The following NRXN3 variants were observed in gnomAD, a reference collection of about 807,000 sequenced individuals.
NRXN3 encodes the protein neurexin III.
In NRXN3, 32 loss-of-function variants were observed where a neutral mutation model predicts 137.6. The ratio of observed to expected loss-of-function variants is 0.23; its 90% CI spans 0.18 to 0.31. The LOEUF is 0.31. NRXN3 is among the 10% of genes least tolerant of loss of function. The pLI is 1.00. For missense variants in NRXN3, 1,574 were observed against 2,062.5 expected (o/e 0.76, Z 4.59); for synonymous variants, 798 against 784.5 (o/e 1.02, Z -0.29).
At chr14:78,559,080 A>C (rs932696089) in intron 4 of NRXN3, among the ~76,000 whole-genome samples, 11 of 152,196 alleles carry the variant, frequency 7.2e-5, no homozygotes, top group Admixed American at 2.6e-4. Flanking sequence ...TTTGTAACAC[A>C]CTGTCATCAG....
intron 6 of NRXN3, among the ~76,000 whole-genome samples, chr14:78,682,312 G>A (rs1303749692): frequency 2.0e-5 from 3 of 151,978 alleles, no homozygotes; most frequent in South Asian, 2.1e-4. Flanking sequence ...GATTAAGACT[G>A]TCAGCATCAC....
intron 16 of NRXN3, among the ~76,000 whole-genome samples, chr14:79,480,293 A>G (rs1176585350): frequency 6.6e-6 from 1 of 152,168 alleles, no homozygotes; most frequent in Non-Finnish European, 1.5e-5. Flanking sequence ...CATGTTTGCT[A>G]CTTATATCAG....
Position 79,866,060 on chromosome 14 carries a change from T to G in NRXN3, c.*4096T>G, listed in dbSNP as rs1262714633. 6.6e-6 allele frequency: 1 copy of G among 152,224 alleles called. No individual in the cohort carries two copies. Among genetic ancestry groups the G allele is most frequent in the Non-Finnish European group, 1.5e-5 (1 of 68,044 alleles). 9.4% of individuals were successfully genotyped at this position (152,224 alleles called of 1,614,324 possible). A position where few individuals can be genotyped will look rare whatever the true frequency, so the allele number is the denominator to read the frequency against. On this transcript the variant is annotated 3_prime_UTR_variant, in exon 21 of 21. Transcript: ENST00000335750. ...TAGTCTACTATTGGCTATTGTTACT[T>G]TGTTTCAATGAAGGCAGAAAATGGC...
chr14:78,862,271 A>ATAGATAGATAGATAGATAG (rs1567543911), intron 10 of NRXN3, among the ~76,000 whole-genome samples: 8 of 148,912 alleles, frequency 5.4e-5, no homozygotes, highest in East Asian at 1.9e-4. Context: ...TAGATAGATA[A>ATAGATAGATAGATAGATAG]ATAGATAGAT....
intron 4 of NRXN3, among the ~76,000 whole-genome samples, chr14:78,310,680 T>G (rs2077879011): frequency 6.6e-6 from 1 of 152,024 alleles, no homozygotes; most frequent in Non-Finnish European, 1.5e-5. Context: ...AGGGTCAGCA[T>G]TATGGAACAA....
Position 79,072,229 on chromosome 14 carries a change from G to A in NRXN3, c.3262+84088G>A, listed in dbSNP as rs368663011. On this transcript the variant is annotated intron_variant, in intron 15 of 20. Coordinates refer to ENST00000335750, the MANE Select transcript of NRXN3 (RefSeq NM_001330195.2). ...GATTTTTATGAATGTGTATGAAACC[G>A]GTAAATATTCATAACATAGCTACCA... The A allele has an allele frequency of 2.0e-4, 31 of 152,198 alleles. 1 individual carries two copies. The East Asian group carries it at 3.3e-3, about 16-fold the overall frequency. The allele number at this position is 152,198 out of a possible 1,614,324, so 9.4% of individuals were successfully genotyped here. A position where few individuals can be genotyped will look rare whatever the true frequency, so the allele number is the denominator to read the frequency against.
intron 4 of NRXN3, among the ~76,000 whole-genome samples, chr14:78,597,800 T>C (rs1372355249): frequency 2.6e-5 from 4 of 152,174 alleles, no homozygotes; most frequent in Non-Finnish European, 5.9e-5. Flanking sequence ...CATGAAGACA[T>C]ATAAACAGTG....
intron 15 of NRXN3, among the ~76,000 whole-genome samples, chr14:79,082,654 C>A (rs1337577943): frequency 6.6e-6 from 1 of 152,134 alleles, no homozygotes; most frequent in Admixed American, 6.5e-5. Flanking sequence ...ATCAGTGGAA[C>A]AATACCTAGA....
chr14:78,902,923 A>C (rs2099201673), intron 10 of NRXN3, among the ~76,000 whole-genome samples: 1 of 151,748 alleles, frequency 6.6e-6, no homozygotes, highest in African/African-American at 2.4e-5. Flanking sequence ...TCTGTCTGGA[A>C]CATATGTACT....
intron 4 of NRXN3, among the ~76,000 whole-genome samples, chr14:78,602,726 G>C (rs76923938): frequency 0.019 from 2,949 of 152,270 alleles, 108 homozygotes; most frequent in East Asian, 0.18. Flanking sequence ...ACCCACACCG[G>C]CCCATGAGGG....
At chr14:79,784,614 CTTTTTT>C (rs540234381) in intron 19 of NRXN3, among the ~76,000 whole-genome samples, 2 of 76,596 alleles carry the variant, frequency 2.6e-5, no homozygotes, top group East Asian at 4.1e-4. Context: ...TGTTGTGTTG[CTTTTTT>C]TTTTTTTTTT....
rs76070729 is a variant in NRXN3 at position 79,667,775 on chromosome 14, C to A, written c.3616+3826C>A. Among the ~76,000 whole-genome samples, 1,073 of 151,994 alleles carry A rather than the reference C, an allele frequency of 7.1e-3. 7 individuals are homozygous for A. The highest frequency in any genetic ancestry group is 0.01 in the Non-Finnish European group (693 of 67,960). The stretch of plus-strand genomic sequence containing the variant: ...AAAGTCTCTGATTGTTGTCCCTATA[C>A]AATGCGGTGGTAGGAACAAGGGAGG... On this transcript the variant is annotated intron_variant, in intron 17 of 20. Coordinates refer to ENST00000335750, the MANE Select transcript of NRXN3 (RefSeq NM_001330195.2).
At position 78,608,762 on chromosome 14, in the gene NRXN3, C is replaced by T. The variant is rs554127837; in HGVS notation, c.758-36358C>T. ...GGGTCGCTCCCCTCTGAGAAGATTA[C>T]AGTGTAATATGATAATTATTACCAT... On this transcript the variant is annotated intron_variant, in intron 4 of 20. Coordinates refer to ENST00000335750, the MANE Select transcript of NRXN3 (RefSeq NM_001330195.2). Among the ~76,000 whole-genome samples, 11 of 152,274 alleles carry T rather than the reference C, an allele frequency of 7.2e-5. No individual in the cohort carries two copies. In the South Asian group the frequency reaches 2.3e-3, roughly 32 times the overall value.
In NRXN3 at chr14:78,612,438, A is replaced by G. The variant is rs147677930; in HGVS notation, c.758-32682A>G. 9.5e-4 allele frequency among the ~76,000 whole-genome samples: 144 copies of G among 152,346 alleles called. 1 individual carries two copies. The highest frequency in any genetic ancestry group is 3.3e-3 in the African/African-American group (138 of 41,566). On this transcript the variant is annotated intron_variant, in intron 4 of 20. Coordinates refer to ENST00000335750, the MANE Select transcript of NRXN3 (RefSeq NM_001330195.2). ...TGAGTAATGAATATAGTGGTTTTCA[A>G]TCATATGAAAGAATGATTTATATTG...
At chr14:78,468,417 T>C (rs2095177430) in intron 4 of NRXN3, among the ~76,000 whole-genome samples, 1 of 152,102 alleles carries the variant, frequency 6.6e-6, no homozygotes. Context: ...TCTGAGATGG[T>C]TTGGCTTTGC....
At chr14:79,548,792 A>C (rs2153745695) in intron 16 of NRXN3, among the ~76,000 whole-genome samples, 1 of 152,226 alleles carries the variant, frequency 6.6e-6, no homozygotes, top group South Asian at 2.1e-4. Flanking sequence ...AAACACAAAT[A>C]ACTTCATCTG....
chr14:78,441,112 A>AT (rs1433156903), intron 4 of NRXN3, among the ~76,000 whole-genome samples: 2 of 152,198 alleles, frequency 1.3e-5, no homozygotes, highest in East Asian at 3.9e-4. Flanking sequence ...GGCAGGGCTT[A>AT]TGTTTTAGGA....
At chr14:78,501,577 G>A (rs1280153478) in intron 4 of NRXN3, among the ~76,000 whole-genome samples, 1 of 152,200 alleles carries the variant, frequency 6.6e-6, no homozygotes, top group Non-Finnish European at 1.5e-5. Flanking sequence ...CCACACTCAG[G>A]TGGAGAAGGT....
At chr14:79,091,119 G>A (rs2049083943) in intron 15 of NRXN3, among the ~76,000 whole-genome samples, 1 of 150,484 alleles carries the variant, frequency 6.6e-6, no homozygotes, top group Non-Finnish European at 1.5e-5. Context: ...AATGGAATAT[G>A]CATTCTCCCT....
Sources: gnomAD v4.1 joint callset for allele counts (sites outside exome capture counted in the v4.1 genomes callset) on GRCh38, gnomAD v4.1.1 for gene constraint, MANE v1.5 for transcripts, NCBI Gene and HGNC (gene_info 2026-07-23, HGNC 2026-07-21) for gene names.